C6orf15: variants seen among roughly 807,000 people sequenced by gnomAD.
C6orf15 encodes chromosome 6 open reading frame 15.
In C6orf15, 5 loss-of-function variants were observed where a neutral mutation model predicts 2.8. The observed-to-expected ratio is 1.80, with a 90% CI of 0.94 to 3.78. The LOEUF is 3.78. Among genes scored for constraint, C6orf15 ranks in the 30% most tolerant of loss-of-function variants. The pLI, the probability that C6orf15 is intolerant of heterozygous loss-of-function variation, is 0.00. For missense variants in C6orf15, 363 were observed against 418.8 expected, an observed-to-expected ratio of 0.87 and a Z score of 1.16; for synonymous variants, 145 against 163.2, an observed-to-expected ratio of 0.89 and a Z score of 0.85.
In C6orf15 at chr6:31,111,935, C is replaced by T; in HGVS notation, c.424G>A (p.Ala142Thr). ...GGGCCACTGCCCGGAGCGAGGGCCG[C>T]AGCACTGGAGAGGTAAGAGAGTTCT... ...PEELSYLSSA[A>T]ALAPGSGPLP... Residue 142 changes from alanine to threonine, a missense_variant, in exon 2 of 2, where the codon GCG becomes ACG. Ala to Thr is a moderately conservative substitution (Grantham distance 58, BLOSUM62 0). Coordinates refer to ENST00000259870, the MANE Select transcript of C6orf15 (RefSeq NM_014070.3). 1 of 1,613,010 alleles carries T rather than the reference C, an allele frequency of 6.2e-7. No homozygotes were observed. Among genetic ancestry groups the T allele is most frequent in the Non-Finnish European group, 8.5e-7 (1 of 1,179,972 alleles).
Position 31,111,229 on chromosome 6 carries a change from A to C in C6orf15, c.*152T>G. On this transcript the variant is annotated 3_prime_UTR_variant, in exon 2 of 2. Transcript: ENST00000259870. ...GAAACCAAGGAGAAGCAAATTCCAT[A>C]AGTGCTTTTATTTTATTGGAGATGA... 1 of 688,296 alleles carries C rather than the reference A, an allele frequency of 1.5e-6. No individual in the cohort carries two copies. Among genetic ancestry groups the C allele is most frequent in the Admixed American group, 3.0e-5 (1 of 33,292 alleles). 42.6% of individuals were successfully genotyped at this position (688,296 alleles called of 1,614,324 possible). A position where few individuals can be genotyped will look rare whatever the true frequency, so the allele number is the denominator to read the frequency against.
In C6orf15 at chr6:31,111,709, G is replaced by A. The variant is rs1158622007; in HGVS notation, c.650C>T (p.Ser217Phe). The A allele has an allele frequency of 6.2e-7, 1 of 1,608,298 alleles. No homozygotes were observed. The highest frequency in any genetic ancestry group is 1.3e-5 in the African/African-American group (1 of 74,942). ...AGTCCCAGGGCCTCCACCTCCCCAG[G>A]ACACACTGGGATTCAGGGTACCCCA... ...HPWGTLNPSV[S>F]WGGGGPGTGW... Residue 217 changes from serine (S) to phenylalanine (F), a missense_variant, in exon 2 of 2, where the codon TCC (serine) becomes TTC (phenylalanine). Ser to Phe is a radical substitution (Grantham distance 155). Transcript: ENST00000259870.
chr6:31,112,575 C>T lies in C6orf15; in HGVS notation c.-20G>A, dbSNP rs1417012904. The T allele has an allele frequency of 1.3e-6, 2 of 1,503,580 alleles. No individual in the cohort carries two copies. The highest frequency in any genetic ancestry group is 1.8e-6 in the Non-Finnish European group (2 of 1,120,376). 93.1% of individuals were successfully genotyped at this position (1,503,580 alleles called of 1,614,324 possible). A position where few individuals can be genotyped will look rare whatever the true frequency, so the allele number is the denominator to read the frequency against. On this transcript the variant is annotated 5_prime_UTR_variant, in exon 1 of 2. Coordinates refer to ENST00000259870, the MANE Select transcript of C6orf15 (RefSeq NM_014070.3). Reference sequence around the variant, plus strand: ...CTGCATCCTGCTCAGCACCCGATCTCCCTCAGCCCCAAGACAGCCAGCCCT... The same window carrying T: ...CTGCATCCTGCTCAGCACCCGATCTTCCTCAGCCCCAAGACAGCCAGCCCT...
At position 31,111,395 on chromosome 6, in the gene C6orf15, A is replaced by G. The variant is rs758319705; in HGVS notation, c.964T>C (p.Leu322=). Residue 322 remains leucine, a synonymous_variant, in exon 2 of 2, where the codon TTG becomes CTG. Coordinates refer to ENST00000259870, the MANE Select transcript of C6orf15 (RefSeq NM_014070.3). ...TCTATCGTGCTCTAGCCCCACTGCA[A>G]CCTAGGGCTTGGAGGATTAGGGAAG... The part of the protein sequence containing the change: ...AGFPNPPSPR[L]QWG 2 of 1,601,902 alleles carry G rather than the reference A, an allele frequency of 1.2e-6. No homozygotes were observed.
Position 31,112,068 on chromosome 6 carries a change from C to T in C6orf15, c.291G>A (p.Arg97=). The T allele has an allele frequency of 6.2e-7, 1 of 1,614,104 alleles. No homozygotes were observed. Among genetic ancestry groups the T allele is most frequent in the Non-Finnish European group, 8.5e-7 (1 of 1,179,976 alleles). ...FPPAGGSAVQ[R]WPPSWGLPAM... is the part of the protein sequence containing the mutation. ...CAGGCAGCCCCCACGATGGAGGCCA[C>T]CTCTGCACTGCAGAACCTCCTGCAG... is the stretch of plus-strand genomic sequence containing the variant. The change falls in exon 2 of 2, where the codon AGG becomes AGA. Residue 97 remains arginine, a synonymous_variant. Coordinates refer to ENST00000259870, the MANE Select transcript of C6orf15 (RefSeq NM_014070.3).
rs764429937 is a variant in C6orf15, at chr6:31,112,268, C to T, written c.91G>A (p.Val31Ile). The T allele has an allele frequency of 2.5e-5, 40 of 1,612,368 alleles. No individual in the cohort carries two copies. The highest frequency in any genetic ancestry group is 3.1e-5 in the Non-Finnish European group (37 of 1,179,160). The change falls in exon 2 of 2, where the codon GTT becomes ATT. Residue 31 changes from valine to isoleucine, a missense_variant. Coordinates refer to ENST00000259870, the MANE Select transcript of C6orf15 (RefSeq NM_014070.3). ...TTTTGGGAAACTTTCTCCTCCACAA[C>T]ACCGATGCTCCGGGCAAAGAGGCCT... ...LPGLFARSIGVVEEKVSQNLG... is the reference protein window; with the variant it reads ...LPGLFARSIGIVEEKVSQNLG...
In C6orf15 at chr6:31,112,136, C is replaced by A; in HGVS notation, c.223G>T (p.Val75Phe). 6.2e-7 allele frequency: 1 copy of A among 1,614,134 alleles called. No individual in the cohort carries two copies. The highest frequency in any genetic ancestry group is 8.5e-7 in the Non-Finnish European group (1 of 1,179,996). ...LDPRSNDLAR[V>F]PLKLSVPASD... ...GCAGGCACGCTGAGCTTCAGAGGAACCCTTGCCAAGTCATTAGACCTAGGG... is the reference window on the plus strand; with the variant it reads ...GCAGGCACGCTGAGCTTCAGAGGAAACCTTGCCAAGTCATTAGACCTAGGG... The change falls in exon 2 of 2, where the codon GTT becomes TTT. Residue 75 changes from valine (V) to phenylalanine (F), a missense_variant. Coordinates refer to ENST00000259870, the MANE Select transcript of C6orf15 (RefSeq NM_014070.3).
In C6orf15 at chr6:31,112,523, A is replaced by C; in HGVS notation, c.33T>G (p.Pro11=). Reference sequence around the variant, plus strand: ...GAAGACAGACCAGGAGCAGGCCCAGAGGAGCGCAGCTCCCTGCCACGCGGC... The same window carrying C: ...GAAGACAGACCAGGAGCAGGCCCAGCGGAGCGCAGCTCCCTGCCACGCGGC... MQGRVAGSCA[P]LGLLLVCLHL... is the part of the protein sequence containing the mutation. The change falls in exon 1 of 2, where the codon CCT becomes CCG. Residue 11 remains proline, a synonymous_variant. Coordinates refer to ENST00000259870, the MANE Select transcript of C6orf15 (RefSeq NM_014070.3). 1 of 1,552,234 alleles carries C rather than the reference A, an allele frequency of 6.4e-7. No individual in the cohort carries two copies. Among genetic ancestry groups the C allele is most frequent in the Non-Finnish European group, 8.7e-7 (1 of 1,147,110 alleles).
chr6:31,112,290 G>C lies in C6orf15; in HGVS notation c.69C>G (p.Gly23=), dbSNP rs752218515. ...GLLLVCLHLP[G]LFARSIGVVE... is the part of the protein sequence containing the mutation. ...CAACACCGATGCTCCGGGCAAAGAG[G>C]CCTGAGGGAAAGGGAAGATAAAGCA... The change falls in exon 2 of 2, where the codon GGC becomes GGG. Residue 23 remains glycine, a splice_region_variant and synonymous_variant. Coordinates refer to ENST00000259870, the MANE Select transcript of C6orf15 (RefSeq NM_014070.3). The C allele has an allele frequency of 6.2e-7, 1 of 1,606,008 alleles. No individual in the cohort carries two copies. Among genetic ancestry groups the C allele is most frequent in the Non-Finnish European group, 8.5e-7 (1 of 1,176,168 alleles).
At position 31,111,923 on chromosome 6, in the gene C6orf15, G is replaced by C. The variant is rs760782376; in HGVS notation, c.436C>G (p.Pro146Ala). The C allele has an allele frequency of 2.5e-6, 4 of 1,612,892 alleles. No individual in the cohort carries two copies. The African/African-American group carries it at 5.3e-5, about 22-fold the overall frequency. ...TCCCCAGGCAAAGGGCCACTGCCCGGAGCGAGGGCCGCAGCACTGGAGAGG... is the reference window on the plus strand; with the variant it reads ...TCCCCAGGCAAAGGGCCACTGCCCGCAGCGAGGGCCGCAGCACTGGAGAGG... ...SYLSSAAALAPGSGPLPGESS... is the reference protein window; with the variant it reads ...SYLSSAAALAAGSGPLPGESS... Residue 146 changes from proline to alanine, a missense_variant, in exon 2 of 2, where the codon CCG becomes GCG. Coordinates refer to ENST00000259870, the MANE Select transcript of C6orf15 (RefSeq NM_014070.3).
rs770996898 is a variant in C6orf15, at chr6:31,111,871, G to C, written c.488C>G (p.Ser163Ter). Reference sequence around the variant, plus strand: ...CTGGTGGAGGAGTGAAGCCTTGGGTGAGAGGCCTGTGGCATCGGGAGAAGA... The same window carrying C: ...CTGGTGGAGGAGTGAAGCCTTGGGTCAGAGGCCTGTGGCATCGGGAGAAGA... ...GESSPDATGL[S>*]PKASLLHQDS... Residue 163 changes from serine to a stop codon, truncating the protein, a stop_gained, in exon 2 of 2, where the codon TCA (serine) becomes TGA (stop). Coordinates refer to ENST00000259870, the MANE Select transcript of C6orf15 (RefSeq NM_014070.3). LOFTEE classifies it low-confidence loss of function (END_TRUNC). 26 of 1,612,710 alleles carry C rather than the reference G, an allele frequency of 1.6e-5. No homozygotes were observed. Among genetic ancestry groups the C allele is most frequent in the Non-Finnish European group, 2.2e-5 (26 of 1,179,760 alleles).
In C6orf15 at chr6:31,111,799, C is replaced by T. The variant is rs1181639667; in HGVS notation, c.560G>A (p.Gly187Glu). 9 of 1,612,896 alleles carry T rather than the reference C, an allele frequency of 5.6e-6. No homozygotes were observed. Among genetic ancestry groups the T allele is most frequent in the Non-Finnish European group, 7.6e-6 (9 of 1,179,940 alleles). ...AGGGCGTTGGGAAAGGATTTTTCCC[C>T]CGGCTCCCAGTGAATTAGAACGGGG... ...RLPRSNSLGA[G>E]GKILSQRPPW... The change falls in exon 2 of 2, where the codon GGG (glycine) becomes GAG (glutamate). Residue 187 changes from glycine (G) to glutamate (E), a missense_variant. Transcript: ENST00000259870.
chr6:31,111,674 T>C lies in C6orf15; in HGVS notation c.685A>G (p.Thr229Ala). ...CCCTCAGGGTGTGGCATGGGCCTCG[T>C]TCCCCAACCAGTCCCAGGGCCTCCA... ...GGGGPGTGWGTRPMPHPEGIW... is the reference protein window; with the variant it reads ...GGGGPGTGWGARPMPHPEGIW... Residue 229 changes from threonine (T) to alanine (A), a missense_variant, in exon 2 of 2, where the codon ACG becomes GCG. By Grantham distance (58) the Thr-to-Ala change is moderately conservative. Coordinates refer to ENST00000259870, the MANE Select transcript of C6orf15 (RefSeq NM_014070.3). 6.2e-7 allele frequency: 1 copy of C among 1,610,680 alleles called. No individual in the cohort carries two copies. The highest frequency in any genetic ancestry group is 8.5e-7 in the Non-Finnish European group (1 of 1,178,316).
At position 31,112,079 on chromosome 6, in the gene C6orf15, C is replaced by T; in HGVS notation, c.280G>A (p.Ala94Thr). The T allele has an allele frequency of 6.2e-7, 1 of 1,614,056 alleles. No homozygotes were observed. The highest frequency in any genetic ancestry group is 8.5e-7 in the Non-Finnish European group (1 of 1,179,942). The change falls in exon 2 of 2, where the codon GCA (alanine) becomes ACA (threonine). Residue 94 changes from alanine (A) to threonine (T), a missense_variant. Coordinates refer to ENST00000259870, the MANE Select transcript of C6orf15 (RefSeq NM_014070.3). ...CACGATGGAGGCCACCTCTGCACTGCAGAACCTCCTGCAGGTGGGAAGCCA... is the reference window on the plus strand; with the variant it reads ...CACGATGGAGGCCACCTCTGCACTGTAGAACCTCCTGCAGGTGGGAAGCCA... ...SDGFPPAGGSAVQRWPPSWGL... is the reference protein window; with the variant it reads ...SDGFPPAGGSTVQRWPPSWGL...
At position 31,111,998 on chromosome 6, in the gene C6orf15, C is replaced by G; in HGVS notation, c.361G>C (p.Ala121Pro). 1.9e-6 allele frequency: 3 copies of G among 1,613,700 alleles called. No individual in the cohort carries two copies. Among genetic ancestry groups the G allele is most frequent in the Non-Finnish European group, 2.5e-6 (3 of 1,180,022 alleles). ...PPEDPWQMMA[A>P]AAEDRLGEAL... ...TCCCCCAGGCGGTCCTCAGCCGCAG[C>G]AGCCATCATCTGCCAAGGATCCTCA... is the stretch of plus-strand genomic sequence containing the variant. Residue 121 changes from alanine to proline, a missense_variant, in exon 2 of 2, where the codon GCT becomes CCT. Coordinates refer to ENST00000259870, the MANE Select transcript of C6orf15 (RefSeq NM_014070.3).
At position 31,111,901 on chromosome 6, in the gene C6orf15, C is replaced by T. The variant is rs1279057626; in HGVS notation, c.458G>A (p.Gly153Glu). ...ALAPGSGPLP[G>E]ESSPDATGLS... ...GCCTGTGGCATCGGGAGAAGACTCC[C>T]CAGGCAAAGGGCCACTGCCCGGAGC... Residue 153 changes from glycine (G) to glutamate (E), a missense_variant, in exon 2 of 2, where the codon GGG (glycine) becomes GAG (glutamate). Physicochemically the swap from Gly to Glu is moderately conservative, Grantham distance 98. Coordinates refer to ENST00000259870, the MANE Select transcript of C6orf15 (RefSeq NM_014070.3). The T allele has an allele frequency of 1.9e-6, 3 of 1,612,808 alleles. No individual in the cohort carries two copies. Among genetic ancestry groups the T allele is most frequent in the Admixed American group, 1.7e-5 (1 of 59,990 alleles).
rs547282944 is a variant in C6orf15, at chr6:31,112,057, G to A, written c.302C>T (p.Ser101Leu). ...GGAATCCATGGCAGGCAGCCCCCAC[G>A]ATGGAGGCCACCTCTGCACTGCAGA... ...GGSAVQRWPPSWGLPAMDSWP... is the reference protein window; with the variant it reads ...GGSAVQRWPPLWGLPAMDSWP... The change falls in exon 2 of 2, where the codon TCG becomes TTG. Residue 101 changes from serine to leucine, a missense_variant. Physicochemically the swap from Ser to Leu is moderately radical, Grantham distance 145. Transcript: ENST00000259870. The A allele has an allele frequency of 8.7e-6, 14 of 1,614,112 alleles. No individual in the cohort carries two copies. The highest frequency in any genetic ancestry group is 8.0e-5 in the African/African-American group (6 of 75,026).
In C6orf15 at chr6:31,111,576, C is replaced by T. The variant is rs776663389; in HGVS notation, c.783G>A (p.Trp261Ter). 1.2e-5 allele frequency: 20 copies of T among 1,611,970 alleles called. 1 individual carries two copies. The highest frequency in any genetic ancestry group is 6.8e-6 in the Non-Finnish European group (8 of 1,179,524). ...CTCCTGGATACCGATTAATATTTCC[C>T]CAGCTGCCTCCTGGATACCGATTAA... ...GNINRYPGGS[W>*]GNINRYPGGS... Residue 261 changes from tryptophan to a stop codon, truncating the protein, a stop_gained, in exon 2 of 2, where the codon TGG becomes TGA. Transcript: ENST00000259870. LOFTEE classifies it low-confidence loss of function (END_TRUNC).
At position 31,111,233 on chromosome 6, in the gene C6orf15, G is replaced by A; in HGVS notation, c.*148C>T. 1.4e-6 allele frequency: 1 copy of A among 703,216 alleles called. No individual in the cohort carries two copies. The highest frequency in any genetic ancestry group is 2.3e-6 in the Non-Finnish European group (1 of 433,608). 43.6% of individuals were successfully genotyped at this position (703,216 alleles called of 1,614,324 possible). On this transcript the variant is annotated 3_prime_UTR_variant, in exon 2 of 2. Transcript: ENST00000259870. The stretch of plus-strand genomic sequence containing the variant: ...CCAAGGAGAAGCAAATTCCATAAGT[G>A]CTTTTATTTTATTGGAGATGAGCAG...
Sources: gnomAD v4.1 joint callset for allele counts on GRCh38, gnomAD v4.1.1 for gene constraint, MANE v1.5 for transcripts, NCBI Gene and HGNC (gene_info 2026-07-23, HGNC 2026-07-21) for gene names.